Variants in DLG2 observed in about 807,000 individuals in gnomAD.
DLG2 encodes disks large homolog 2.
A neutral mutation model predicts 132.5 loss-of-function variants in DLG2; 45 were observed. The ratio of observed to expected loss-of-function variants is 0.34; its 90% CI spans 0.27 to 0.44. The LOEUF (loss-of-function observed/expected upper bound fraction) is 0.44, where lower values mean the gene tolerates loss of function less well. Ranked by LOEUF, DLG2 falls within the 20% of genes least tolerant of loss-of-function variation. The pLI is 1.00. For synonymous variants in DLG2, 424 were observed against 419.6 expected, an observed-to-expected ratio of 1.01 and a Z score of -0.13; for missense variants, 1,045 against 1,196.9, an observed-to-expected ratio of 0.87 and a Z score of 1.87.
intron 19 of DLG2, among the ~76,000 whole-genome samples, chr11:83,620,892 A>AAAAAAAAG (rs2061534460): frequency 6.6e-6 from 1 of 150,916 alleles, no homozygotes; most frequent in Non-Finnish European, 1.5e-5. Context: ...AAAAAAAAAA[A>AAAAAAAAG]AATGCATTCC....
intron 3 of DLG2, among the ~76,000 whole-genome samples, chr11:85,315,010 T>A (rs370192185): frequency 6.6e-6 from 1 of 152,004 alleles, no homozygotes; most frequent in Non-Finnish European, 1.5e-5. Context: ...TCAGGGTACA[T>A]GAGGTTGGCA....
chr11:84,683,868 C>T (rs1464957653), intron 6 of DLG2, among the ~76,000 whole-genome samples: 2 of 152,098 alleles, frequency 1.3e-5, no homozygotes, highest in Non-Finnish European at 2.9e-5. Flanking sequence ...CTTTGTTTTC[C>T]ACAGTGCAAA....
chr11:85,220,635 A>AT (rs1425546218), intron 4 of DLG2, among the ~76,000 whole-genome samples: 1 of 141,322 alleles, frequency 7.1e-6, no homozygotes, highest in African/African-American at 2.7e-5. Flanking sequence ...AATAGAAAAA[A>AT]AAATATATAT....
intron 7 of DLG2, among the ~76,000 whole-genome samples, chr11:84,314,719 T>C (rs2098337065): frequency 6.6e-6 from 1 of 151,890 alleles, no homozygotes; most frequent in Non-Finnish European, 1.5e-5. Context: ...TATATGCATA[T>C]ATATACTTAA....
intron 18 of DLG2, among the ~76,000 whole-genome samples, chr11:83,768,341 G>A (rs577420935): frequency 6.6e-6 from 1 of 152,212 alleles, no homozygotes; most frequent in South Asian, 2.1e-4. Flanking sequence ...ATGCTTTAGA[G>A]TAGGGTGCTT....
At chr11:84,639,415 A>C (rs1396580726) in intron 6 of DLG2, among the ~76,000 whole-genome samples, 1 of 150,648 alleles carries the variant, frequency 6.6e-6, no homozygotes, top group Admixed American at 6.6e-5. Context: ...CCAAAGAATC[A>C]TTAAGGCTTC....
In DLG2 at chr11:84,923,296, G is replaced by C. The variant is rs149283068; in HGVS notation, c.357+188365C>G. The C allele has an allele frequency of 3.3e-5, 47 of 1,439,540 alleles. No homozygotes were observed. The East Asian group carries it at 1.2e-3, about 36-fold the overall frequency. The allele number at this position is 1,439,540 out of a possible 1,614,324, so 89.2% of individuals were successfully genotyped here. On this transcript the variant is annotated intron_variant, in intron 6 of 27. Transcript: ENST00000376104. ...GACATGTCTTGAAGGCACTGAGTGA[G>C]AGCTCAAAATCTCTTCATTGGCTAT...
chr11:84,076,922 A>T (rs1483211112), intron 10 of DLG2, among the ~76,000 whole-genome samples: 1 of 152,228 alleles, frequency 6.6e-6, no homozygotes, highest in East Asian at 1.9e-4. Flanking sequence ...ACTTTACTGC[A>T]TGCAAACCCA....
intron 6 of DLG2, chr11:84,720,599 C>T (rs886912125): frequency 2.6e-5 from 12 of 469,306 alleles, no homozygotes; most frequent in African/African-American, 2.3e-4. Flanking sequence ...GGGAACGAGG[C>T]GTGTGGGGGG....
At chr11:85,585,019 AT>A (rs1470051366) in intron 3 of DLG2, among the ~76,000 whole-genome samples, 1 of 151,930 alleles carries the variant, frequency 6.6e-6, no homozygotes, top group African/African-American at 2.4e-5. Flanking sequence ...AGTTCCATCT[AT>A]TTATCTTTGT....
intron 3 of DLG2, among the ~76,000 whole-genome samples, chr11:85,386,136 G>C (rs933510465): frequency 4.5e-4 from 68 of 152,152 alleles, no homozygotes; most frequent in Non-Finnish European, 1.6e-4. Context: ...TGAAATTGTG[G>C]AAGAATCACA....
intron 6 of DLG2, among the ~76,000 whole-genome samples, chr11:84,943,330 TTTCCTTCCTGCC>T: frequency 6.6e-6 from 1 of 152,208 alleles, no homozygotes; most frequent in East Asian, 1.9e-4. Context: ...GTAGTCATCC[TTTCCTTCCTGCC>T]TTCCTGCCTG....
intron 3 of DLG2, among the ~76,000 whole-genome samples, chr11:85,422,113 A>T (rs1402317254): frequency 1.3e-5 from 2 of 152,166 alleles, no homozygotes; most frequent in African/African-American, 4.8e-5. Context: ...CTCAGTTCTT[A>T]AGATTCTTTC....
At chr11:83,945,676 T>G (rs2083661548) in intron 14 of DLG2, among the ~76,000 whole-genome samples, 1 of 152,194 alleles carries the variant, frequency 6.6e-6, no homozygotes, top group Admixed American at 6.5e-5. Context: ...TAAATACTGT[T>G]GTACAAATTC....
At chr11:84,218,056 C>T (rs1405544211) in intron 8 of DLG2, among the ~76,000 whole-genome samples, 4 of 151,832 alleles carry the variant, frequency 2.6e-5, no homozygotes, top group Admixed American at 6.6e-5. Context: ...TAATCCCAGC[C>T]ATTTGGGAGG....
At chr11:84,648,886 A>C (rs2099678176) in intron 6 of DLG2, among the ~76,000 whole-genome samples, 1 of 152,062 alleles carries the variant, frequency 6.6e-6, no homozygotes, top group African/African-American at 2.4e-5. Context: ...GAGCCAAATA[A>C]AAATTTTTTT....
chr11:85,312,402 T>A (rs1271542054), intron 3 of DLG2, among the ~76,000 whole-genome samples: 1 of 150,768 alleles, frequency 6.6e-6, no homozygotes, highest in Non-Finnish European at 1.5e-5. Flanking sequence ...TATATAATTA[T>A]AATTTTGTAA....
At chr11:85,354,043 C>G (rs2083501713) in intron 3 of DLG2, among the ~76,000 whole-genome samples, 1 of 151,420 alleles carries the variant, frequency 6.6e-6, no homozygotes, top group African/African-American at 2.4e-5. Flanking sequence ...AATAGAGTCA[C>G]TGCAGTATTT....
intron 7 of DLG2, among the ~76,000 whole-genome samples, chr11:84,341,749 A>G (rs1407655563): frequency 6.6e-6 from 1 of 152,254 alleles, no homozygotes; most frequent in Non-Finnish European, 1.5e-5. Flanking sequence ...GCCTTTGGGC[A>G]TTGGTAGTGA....
Sources: gnomAD v4.1 joint callset for allele counts (sites outside exome capture counted in the v4.1 genomes callset) on GRCh38, gnomAD v4.1.1 for gene constraint, MANE v1.5 for transcripts, NCBI Gene and HGNC (gene_info 2026-07-23, HGNC 2026-07-21) for gene names.